The following YEATS2 variants were observed in gnomAD, a reference collection of about 807,000 sequenced individuals.
YEATS2 encodes the protein YEATS domain-containing protein 2.
In YEATS2, 77 loss-of-function variants were observed where a neutral mutation model predicts 163.2. The observed-to-expected ratio is 0.47, with a 90% CI of 0.39 to 0.57. The LOEUF is 0.57. Ranked by LOEUF, YEATS2 falls within the 20% of genes least tolerant of loss-of-function variation. The pLI is 0.00. For missense variants in YEATS2, 1,549 were observed against 1,729.8 expected (o/e 0.90, Z 1.85); for synonymous variants, 631 against 645.1 (o/e 0.98, Z 0.33).
rs755233799 is a variant in YEATS2, at chr3:183,806,882, C to A, written c.3801C>A (p.Phe1267Leu). The A allele has an allele frequency of 4.3e-6, 7 of 1,613,818 alleles. No individual in the cohort carries two copies. Among genetic ancestry groups the A allele is most frequent in the African/African-American group, 4.0e-5 (3 of 74,888 alleles). The stretch of plus-strand genomic sequence containing the variant: ...GTCATTTAGAGTGCCCATCATCATT[C>A]TCCTCTGCTGACAACCTCTGCCGCA... Reference protein sequence around the residue: ...IDSEPECPSSFSSADNLCRKL... With the variant: ...IDSEPECPSSLSSADNLCRKL... The change falls in exon 28 of 31, where the codon TTC becomes TTA. Residue 1267 changes from phenylalanine (F) to leucine (L), a missense_variant. Phe to Leu is a conservative substitution (Grantham distance 22, BLOSUM62 0). Transcript: ENST00000305135.
intron 1 of YEATS2, among the ~76,000 whole-genome samples, chr3:183,700,357 A>G (rs1183842198): frequency 1.3e-5 from 2 of 152,070 alleles, no homozygotes; most frequent in Non-Finnish European, 2.9e-5. Context: ...ATTACCCTGT[A>G]TTTTCTTAGA....
In YEATS2 at chr3:183,772,366, G is replaced by C; in HGVS notation, c.2009G>C (p.Ser670Thr). The change falls in exon 16 of 31, where the codon AGT (serine) becomes ACT (threonine). Residue 670 changes from serine (S) to threonine (T), a missense_variant. Coordinates refer to ENST00000305135, the MANE Select transcript of YEATS2 (RefSeq NM_018023.5). ...ACAGTGAAGCAGGCTGTGGCGATCAGTGGTGGCCAGATCCTGGTAGCCAAG... is the reference window on the plus strand; with the variant it reads ...ACAGTGAAGCAGGCTGTGGCGATCACTGGTGGCCAGATCCTGGTAGCCAAG... ...PSTVKQAVAI[S>T]GGQILVAKAS... 6.2e-7 allele frequency: 1 copy of C among 1,614,222 alleles called. No homozygotes were observed. Among genetic ancestry groups the C allele is most frequent in the Non-Finnish European group, 8.5e-7 (1 of 1,180,042 alleles).
chr3:183,763,008 G>A (rs537996042), intron 15 of YEATS2, among the ~76,000 whole-genome samples: 329 of 151,788 alleles, frequency 2.2e-3, no homozygotes, highest in Non-Finnish European at 3.0e-3. Context: ...CTGAGATCGC[G>A]GCACTGCACT....
chr3:183,760,313 A>AGTTTTT (rs1283432086), intron 13 of YEATS2, among the ~76,000 whole-genome samples: 4 of 110,314 alleles, frequency 3.6e-5, no homozygotes, highest in African/African-American at 3.6e-5. Context: ...AAACTACAGA[A>AGTTTTT]TTTTTTTTTT....
intron 1 of YEATS2, among the ~76,000 whole-genome samples, chr3:183,713,760 T>G (rs2109016955): frequency 6.6e-6 from 1 of 152,148 alleles, no homozygotes; most frequent in East Asian, 1.9e-4. Flanking sequence ...TGTGAATGTT[T>G]CGTATCTACA....
chr3:183,739,215 C>A (rs1027677241), intron 8 of YEATS2, among the ~76,000 whole-genome samples: 3 of 151,858 alleles, frequency 2.0e-5, no homozygotes, highest in Non-Finnish European at 4.4e-5. Context: ...AAAACCCCAT[C>A]GTCTCAGCCC....
intron 1 of YEATS2, among the ~76,000 whole-genome samples, chr3:183,699,853 G>A (rs181006607): frequency 1.2e-4 from 18 of 152,266 alleles, no homozygotes; most frequent in African/African-American, 4.3e-4. Context: ...ATTGAATTTG[G>A]CAACACGGTG....
chr3:183,726,095 G>C (rs1048933102), intron 6 of YEATS2, among the ~76,000 whole-genome samples: 1 of 151,886 alleles, frequency 6.6e-6, no homozygotes, highest in Non-Finnish European at 1.5e-5. Context: ...GTTTTTTCAA[G>C]CTCTTTGTTG....
chr3:183,807,387 T>G lies in YEATS2; in HGVS notation c.4011+295T>G, dbSNP rs190748693. ...AGCTGGCTAGATAGAAATGGTTGAT[T>G]ACTCTTCATCTTGTTTTTCTCATCT... On this transcript the variant is annotated intron_variant, in intron 28 of 30. Transcript: ENST00000305135. The G allele has an allele frequency of 3.0e-3, 1,104 of 362,624 alleles. 3 individuals carry two copies. Among genetic ancestry groups the G allele is most frequent in the Middle Eastern group, 5.1e-3 (6 of 1,166 alleles). 22.5% of individuals were successfully genotyped at this position (362,624 alleles called of 1,614,324 possible).
At chr3:183,752,852 C>T (rs1026050389) in intron 10 of YEATS2, among the ~76,000 whole-genome samples, 1 of 151,366 alleles carries the variant, frequency 6.6e-6, no homozygotes, top group Non-Finnish European at 1.5e-5. Flanking sequence ...GGCTGGAGTG[C>T]AGTGGCATGA....
At chr3:183,710,298 T>C (rs1019938269) in intron 1 of YEATS2, among the ~76,000 whole-genome samples, 27 of 152,184 alleles carry the variant, frequency 1.8e-4, no homozygotes, top group African/African-American at 6.5e-4. Context: ...GAAGGTAATG[T>C]TATCATTGGT....
chr3:183,769,170 T>A (rs1240691290), intron 15 of YEATS2, among the ~76,000 whole-genome samples: 2 of 152,310 alleles, frequency 1.3e-5, no homozygotes, highest in East Asian at 3.9e-4. Context: ...GAATCCCACA[T>A]GCCTATTACC....
chr3:183,771,655 A>G (rs1349105780), intron 15 of YEATS2, among the ~76,000 whole-genome samples: 4 of 137,338 alleles, frequency 2.9e-5, no homozygotes, highest in Non-Finnish European at 4.5e-5. Flanking sequence ...GGCTCAAGGG[A>G]TCCTCCCCTG....
At chr3:183,746,857 C>T (rs997376445) in intron 8 of YEATS2, among the ~76,000 whole-genome samples, 1 of 152,000 alleles carries the variant, frequency 6.6e-6, no homozygotes, top group Non-Finnish European at 1.5e-5. Flanking sequence ...CTCTCATAAG[C>T]CTTTAAAACC....
chr3:183,804,551 T>G (rs1439832376), intron 27 of YEATS2, among the ~76,000 whole-genome samples: 1 of 152,216 alleles, frequency 6.6e-6, no homozygotes, highest in Non-Finnish European at 1.5e-5. Context: ...CCAGACAAGT[T>G]TGTGCTACTT....
chr3:183,707,126 C>G (rs1714696051), intron 1 of YEATS2, among the ~76,000 whole-genome samples: 1 of 152,136 alleles, frequency 6.6e-6, no homozygotes, highest in Non-Finnish European at 1.5e-5. Context: ...AAATCCAAAA[C>G]AGTATGAAAT....
At chr3:183,767,681 AT>A (rs957002688) in intron 15 of YEATS2, among the ~76,000 whole-genome samples, 3 of 151,086 alleles carry the variant, frequency 2.0e-5, no homozygotes, top group Non-Finnish European at 4.4e-5. Flanking sequence ...GTGCCCGGCC[AT>A]TTTTTTTATT....
chr3:183,726,891 T>C (rs1019984047), intron 6 of YEATS2, among the ~76,000 whole-genome samples: 2 of 152,146 alleles, frequency 1.3e-5, no homozygotes, highest in African/African-American at 4.8e-5. Context: ...ACCCTCCACC[T>C]CCAGGGTTCA....
intron 10 of YEATS2, 48 bp downstream of exon 10, chr3:183,752,301 T>C: frequency 1.2e-6 from 2 of 1,606,486 alleles, no homozygotes; most frequent in Non-Finnish European, 1.7e-6. Flanking sequence ...GGCATTCCTT[T>C]CCCATTTGCT....
Sources: allele counts gnomAD v4.1 joint callset (sites outside exome capture counted in the v4.1 genomes callset), GRCh38; gene constraint gnomAD v4.1.1; transcripts MANE v1.5; gene names NCBI Gene and HGNC (gene_info 2026-07-23, HGNC 2026-07-21).